The following RHOA variants were observed in gnomAD, a reference collection of about 807,000 sequenced individuals.
RHOA encodes ras homolog family member A.
Under a neutral mutation model 17.5 loss-of-function variants are expected in RHOA, and 3 were observed. That is an observed-to-expected ratio of 0.17 (90% CI 0.08 to 0.44). The LOEUF (loss-of-function observed/expected upper bound fraction) is 0.44, where lower values mean the gene tolerates loss of function less well. Among genes scored for constraint, RHOA ranks in the 20% least tolerant of loss-of-function variants. RHOA has a pLI of 0.99. For missense variants in RHOA, 56 were observed against 242.3 expected, an observed-to-expected ratio of 0.23 and a Z score of 5.10; for synonymous variants, 98 against 88.4, an observed-to-expected ratio of 1.11 and a Z score of -0.61.
chr3:49,378,860 T>C (rs2048274201), intron 1 of RHOA, among the ~76,000 whole-genome samples: 1 of 152,004 alleles, frequency 6.6e-6, no homozygotes, highest in Admixed American at 6.6e-5. Flanking sequence ...CCTCCCAAAG[T>C]GCTGGGATTA....
intron 1 of RHOA, among the ~76,000 whole-genome samples, chr3:49,404,433 A>ACACACACAC (rs1553636256): frequency 1.1e-4 from 10 of 90,750 alleles, no homozygotes; most frequent in East Asian, 1.1e-3. Context: ...TCTCTAGTAA[A>ACACACACAC]ACACACACAC....
intron 1 of RHOA, among the ~76,000 whole-genome samples, chr3:49,403,587 C>T (rs1057292185): frequency 4.0e-5 from 6 of 150,858 alleles, no homozygotes; most frequent in Admixed American, 1.3e-4. Flanking sequence ...TGTAGCCAGG[C>T]GTGGTGGTGC....
At position 49,399,958 on chromosome 3, in the gene RHOA, C is replaced by T. The variant is rs556961922; in HGVS notation, c.-3+11862G>A. Reference sequence around the variant, plus strand: ...AGAAACGGCTGGGCACGGTGGCTCACGCCTGTAATCCCAGCACGTTGGGAG... The same window carrying T: ...AGAAACGGCTGGGCACGGTGGCTCATGCCTGTAATCCCAGCACGTTGGGAG... On this transcript the variant is annotated intron_variant, in intron 1 of 4. Coordinates refer to ENST00000418115, the MANE Select transcript of RHOA (RefSeq NM_001664.4). Among the ~76,000 whole-genome samples, 3 of 152,044 alleles carry T rather than the reference C, an allele frequency of 2.0e-5. No homozygotes were observed. In the South Asian group the frequency reaches 6.2e-4, roughly 32 times the overall value.
intron 1 of RHOA, among the ~76,000 whole-genome samples, chr3:49,376,588 A>G (rs950832482): frequency 6.8e-6 from 1 of 148,124 alleles, no homozygotes; most frequent in Non-Finnish European, 1.5e-5. Flanking sequence ...GCTTGCAGTG[A>G]GCCAAGATCG....
intron 1 of RHOA, among the ~76,000 whole-genome samples, chr3:49,399,085 A>T (rs1330613452): frequency 7.2e-6 from 1 of 138,982 alleles, no homozygotes; most frequent in Non-Finnish European, 1.6e-5. Context: ...AAAAAAAAAA[A>T]AAGGCTGGGC....
chr3:49,401,082 A>G (rs976013092), intron 1 of RHOA, among the ~76,000 whole-genome samples: 1 of 146,712 alleles, frequency 6.8e-6, no homozygotes. Flanking sequence ...CCTACCTTTT[A>G]GAAAGGAAAC....
At chr3:49,394,736 C>A (rs2048584194) in intron 1 of RHOA, among the ~76,000 whole-genome samples, 1 of 152,104 alleles carries the variant, frequency 6.6e-6, no homozygotes, top group Non-Finnish European at 1.5e-5. Flanking sequence ...GAAAACAGCA[C>A]AATGTAATTA....
rs567193757 is a variant in RHOA, at chr3:49,369,858, G to A, written c.157-1310C>T. On this transcript the variant is annotated intron_variant, in intron 2 of 4. Coordinates refer to ENST00000418115, the MANE Select transcript of RHOA (RefSeq NM_001664.4). Reference sequence around the variant, plus strand: ...CAAGGCGGGCGGATCACCTGAAGTCGGAAGTTCGAGACTAGCCTGACAAAT... The same window carrying A: ...CAAGGCGGGCGGATCACCTGAAGTCAGAAGTTCGAGACTAGCCTGACAAAT... Among the ~76,000 whole-genome samples, 10 of 152,248 alleles carry A rather than the reference G, an allele frequency of 6.6e-5. No homozygotes were observed. The East Asian group carries it at 1.4e-3, about 21-fold the overall frequency.
At chr3:49,390,358 T>C (rs1386571209) in intron 1 of RHOA, among the ~76,000 whole-genome samples, 16 of 151,974 alleles carry the variant, frequency 1.1e-4, no homozygotes, top group Non-Finnish European at 1.5e-5. Flanking sequence ...CTTGAACTCC[T>C]GACCTTGTGA....
At chr3:49,395,199 C>G (rs983008109) in intron 1 of RHOA, among the ~76,000 whole-genome samples, 1 of 150,154 alleles carries the variant, frequency 6.7e-6, no homozygotes, top group Non-Finnish European at 1.5e-5. Flanking sequence ...TGCAGTGAGC[C>G]GAGATCGCAC....
At chr3:49,362,453 C>T (rs1241307593) in intron 4 of RHOA, 43 bp downstream of exon 4, 1 of 1,527,400 alleles carries the variant, frequency 6.5e-7, no homozygotes, top group Non-Finnish European at 8.8e-7. Context: ...ACTTGGGGCC[C>T]TAGTTCAAGA....
intron 1 of RHOA, among the ~76,000 whole-genome samples, chr3:49,401,056 A>AAAAAAAAAAAAG (rs2048716732): frequency 6.6e-6 from 1 of 150,958 alleles, no homozygotes; most frequent in Admixed American, 6.6e-5. Context: ...AAAAAAAAAA[A>AAAAAAAAAAAAG]AAAAAGAGTT....
At chr3:49,375,620 C>T (rs1391331879) in intron 1 of RHOA, 29 bp from the exon 2 acceptor site, 1 of 1,606,984 alleles carries the variant, frequency 6.2e-7, no homozygotes, top group Admixed American at 1.7e-5. Flanking sequence ...ATATTACCTG[C>T]AATGCACAAG....
chr3:49,366,741 A>C (rs1575645328), intron 3 of RHOA: 1 of 152,350 alleles, frequency 6.6e-6, no homozygotes, highest in East Asian at 1.9e-4. Context: ...GCATGACCTT[A>C]AACAAGTGGC....
chr3:49,393,670 CTCTCTCTGTGTGTGTGTG>C lies in RHOA; in HGVS notation c.-2-18097_-2-18080del, dbSNP rs1559512131. On this transcript the variant is annotated intron_variant, in intron 1 of 4. Transcript: ENST00000418115. ...GACCACAGGTCCCTTGTCTCAAATT[CTCTCTCTGTGTGTGTGTG>C]TGTGTGTGTGTGTGTGTGTGTGTGT... Among the ~76,000 whole-genome samples, 565 of 97,214 alleles carry C rather than the reference CTCTCTCTGTGTGTGTGTG, an allele frequency of 5.8e-3. 21 individuals carry two copies. Among genetic ancestry groups the C allele is most frequent in the East Asian group, 0.015 (61 of 4,078 alleles). The allele number at this position is 97,214 out of a possible 152,430, so 63.8% of individuals were successfully genotyped here.
At chr3:49,375,639 G>T (rs1422401748) in intron 1 of RHOA, 48 bp from the exon 2 acceptor site, 1 of 1,584,498 alleles carries the variant, frequency 6.3e-7, no homozygotes, top group Non-Finnish European at 8.6e-7. Context: ...AGAAGTCATA[G>T]GTAGCTTACA....
intron 4 of RHOA, 110 bp downstream of exon 4, chr3:49,362,386 G>A: frequency 8.3e-7 from 1 of 1,208,840 alleles, no homozygotes; most frequent in Admixed American, 2.5e-5. Flanking sequence ...AGGGGCTTCT[G>A]AGCCTCTAAA....
chr3:49,360,159 A>G lies in RHOA; in HGVS notation c.*50T>C, dbSNP rs759150645. ...CCAGTAATCATACACTAAGATTAAT[A>G]AACAGCACTTCAAAATTAACCGCAT... On this transcript the variant is annotated 3_prime_UTR_variant, in exon 5 of 5. Transcript: ENST00000418115. 26 of 1,544,364 alleles carry G rather than the reference A, an allele frequency of 1.7e-5. No homozygotes were observed. The highest frequency in any genetic ancestry group is 1.0e-4 in the Admixed American group (5 of 49,774).
At chr3:49,397,518 A>G (rs565155187) in intron 1 of RHOA, among the ~76,000 whole-genome samples, 1 of 151,902 alleles carries the variant, frequency 6.6e-6, no homozygotes, top group Non-Finnish European at 1.5e-5. Flanking sequence ...TTGTTTTTTT[A>G]AAAAAAATAA....
Sources: allele counts gnomAD v4.1 joint callset (sites outside exome capture counted in the v4.1 genomes callset), GRCh38; gene constraint gnomAD v4.1.1; transcripts MANE v1.5; gene names NCBI Gene and HGNC (gene_info 2026-07-23, HGNC 2026-07-21).